STXBP5: variants seen among roughly 807,000 people sequenced by gnomAD.
STXBP5 encodes syntaxin-binding protein 5.
STXBP5 carries 50 observed loss-of-function variants against 152.4 expected under a neutral mutation model. The observed-to-expected ratio is 0.33, with a 90% CI of 0.26 to 0.42. STXBP5 has a LOEUF of 0.42. STXBP5 is among the 10% of genes least tolerant of loss of function. STXBP5 has a pLI of 1.00. For missense variants in STXBP5, 1,167 were observed against 1,388.6 expected, an observed-to-expected ratio of 0.84 and a Z score of 2.54; for synonymous variants, 492 against 494.7, an observed-to-expected ratio of 0.99 and a Z score of 0.07.
intron 4 of STXBP5, among the ~76,000 whole-genome samples, chr6:147,256,826 A>G (rs182556716): frequency 3.3e-4 from 51 of 152,262 alleles, no homozygotes; most frequent in African/African-American, 1.2e-3. Context: ...GGTGTAAGAT[A>G]TTATGATATT....
At position 147,386,440 on chromosome 6, in the gene STXBP5, A is replaced by G. The variant is rs1011243543; in HGVS notation, c.*1685A>G. On this transcript the variant is annotated 3_prime_UTR_variant, in exon 28 of 28. Transcript: ENST00000321680. ...AATAAAGCTTTTATGTTTACATTTTATAACATGCACTACTAGATGCAAAAG... is the reference window on the plus strand; with the variant it reads ...AATAAAGCTTTTATGTTTACATTTTGTAACATGCACTACTAGATGCAAAAG... 9 of 151,874 alleles carry G rather than the reference A, an allele frequency of 5.9e-5. No individual in the cohort carries two copies. The highest frequency in any genetic ancestry group is 2.2e-4 in the African/African-American group (9 of 41,500). 9.4% of individuals were successfully genotyped at this position (151,874 alleles called of 1,614,324 possible).
intron 21 of STXBP5, among the ~76,000 whole-genome samples, chr6:147,344,192 G>A (rs1489408278): frequency 6.6e-6 from 1 of 152,002 alleles, no homozygotes; most frequent in Non-Finnish European, 1.5e-5. Flanking sequence ...TTAATAAAAT[G>A]TGCTGGAAAG....
At chr6:147,220,447 A>C (rs559508020) in intron 2 of STXBP5, among the ~76,000 whole-genome samples, 112 of 151,916 alleles carry the variant, frequency 7.4e-4, no homozygotes, top group Non-Finnish European at 1.4e-3. Context: ...TGCCTGCTGG[A>C]TCTGTCCATT....
intron 9 of STXBP5, among the ~76,000 whole-genome samples, chr6:147,297,943 A>G (rs1011369291): frequency 6.6e-6 from 1 of 152,090 alleles, no homozygotes; most frequent in Non-Finnish European, 1.5e-5. Context: ...GAAAGGAAGA[A>G]TGTAACAAAG....
intron 22 of STXBP5, among the ~76,000 whole-genome samples, chr6:147,357,270 A>C (rs1784857644): frequency 6.6e-6 from 1 of 152,084 alleles, no homozygotes; most frequent in Non-Finnish European, 1.5e-5. Context: ...CAGAATCTTG[A>C]TAGGTAGGAG....
intron 9 of STXBP5, chr6:147,293,136 T>C (rs1005419681): frequency 1.1e-4 from 16 of 152,220 alleles, no homozygotes; most frequent in African/African-American, 3.6e-4. Flanking sequence ...TAATAGGCTA[T>C]ACAATATAGC....
At chr6:147,331,980 G>T (rs1335050595) in intron 18 of STXBP5, among the ~76,000 whole-genome samples, 2 of 152,094 alleles carry the variant, frequency 1.3e-5, no homozygotes, top group African/African-American at 4.8e-5. Context: ...TGCTGTTAGG[G>T]TTAAATGAAT....
At chr6:147,244,565 T>C (rs1028525956) in intron 4 of STXBP5, among the ~76,000 whole-genome samples, 2 of 152,230 alleles carry the variant, frequency 1.3e-5, no homozygotes, top group Admixed American at 6.5e-5. Context: ...TGGTGTCTTA[T>C]AATTAATTGA....
At chr6:147,248,421 T>C (rs1157156536) in intron 4 of STXBP5, among the ~76,000 whole-genome samples, 1 of 152,206 alleles carries the variant, frequency 6.6e-6, no homozygotes, top group Non-Finnish European at 1.5e-5. Flanking sequence ...TTTAGAGGTT[T>C]ATATGAAAAC....
intron 7 of STXBP5, among the ~76,000 whole-genome samples, chr6:147,267,830 A>G (rs371434041): frequency 1.3e-5 from 2 of 152,064 alleles, no homozygotes; most frequent in South Asian, 2.1e-4. Flanking sequence ...CTTAGTGTCT[A>G]TTTCAGATGT....
At chr6:147,338,861 G>A (rs1033232463) in intron 19 of STXBP5, among the ~76,000 whole-genome samples, 23 of 151,356 alleles carry the variant, frequency 1.5e-4, no homozygotes, top group African/African-American at 1.9e-4. Flanking sequence ...AGATTTTTTC[G>A]AAGAAACAGT....
In STXBP5 at chr6:147,323,618, T is replaced by G. The variant is rs1490750268; in HGVS notation, c.1803-1341T>G. ...TGTTGGCCAGGCTGGTCTCGAACTC[T>G]TGACCTTAAGTGATCTGCCCACCTC... On this transcript the variant is annotated intron_variant, in intron 16 of 27. Coordinates refer to ENST00000321680, the MANE Select transcript of STXBP5 (RefSeq NM_001127715.4). 3.3e-5 allele frequency among the ~76,000 whole-genome samples: 5 copies of G among 152,084 alleles called. No homozygotes were observed. In the East Asian group the frequency reaches 9.6e-4, roughly 29 times the overall value.
intron 9 of STXBP5, among the ~76,000 whole-genome samples, chr6:147,307,079 G>T (rs1782131791): frequency 1.3e-5 from 2 of 152,170 alleles, no homozygotes. Flanking sequence ...TTTAAGTGAA[G>T]AAGGCATCAT....
chr6:147,372,108 C>T (rs1355482499), intron 25 of STXBP5, among the ~76,000 whole-genome samples: 2 of 152,040 alleles, frequency 1.3e-5, no homozygotes, highest in Non-Finnish European at 2.9e-5. Flanking sequence ...AGGTTTACTA[C>T]ACTTTATAGA....
intron 9 of STXBP5, among the ~76,000 whole-genome samples, chr6:147,296,957 A>G (rs981273893): frequency 2.0e-5 from 3 of 152,186 alleles, no homozygotes; most frequent in African/African-American, 7.2e-5. Flanking sequence ...AAGCAAACCT[A>G]TGGAACTTAA....
intron 21 of STXBP5, 31 bp downstream of exon 21, chr6:147,339,415 A>G: frequency 6.2e-6 from 9 of 1,454,770 alleles, no homozygotes; most frequent in Middle Eastern, 2.4e-4. Flanking sequence ...TTTTGTTTCT[A>G]ATCCTTGCTA....
In STXBP5 at chr6:147,204,649, A is replaced by G. The variant is rs1224589674; in HGVS notation, c.117A>G (p.Glu39=). 3.7e-6 allele frequency: 6 copies of G among 1,610,416 alleles called. No homozygotes were observed. Among genetic ancestry groups the G allele is most frequent in the Non-Finnish European group, 3.4e-6 (4 of 1,178,144 alleles). The part of the protein sequence containing the change: ...PPGNREPEIQ[E]TLQSEHFQLC... ...GGAACCGGGAGCCGGAGATCCAGGA[A>G]ACGCTCCAGTCCGAGCACTTTCAGC... The change falls in exon 1 of 28, where the codon GAA becomes GAG. Residue 39 remains glutamate, a synonymous_variant. Coordinates refer to ENST00000321680, the MANE Select transcript of STXBP5 (RefSeq NM_001127715.4). The surrounding 1 kb of genome is among the most constrained non-coding windows in gnomAD (Gnocchi z 4.3).
At chr6:147,353,280 T>G in intron 21 of STXBP5, 43 bp from the exon 22 acceptor site, 2 of 1,329,302 alleles carry the variant, frequency 1.5e-6, no homozygotes, top group East Asian at 4.9e-5. Context: ...TTAGTATGAA[T>G]CAAATATTCT....
chr6:147,378,044 C>A (rs1016105273), intron 26 of STXBP5, among the ~76,000 whole-genome samples: 3 of 152,064 alleles, frequency 2.0e-5, no homozygotes, highest in African/African-American at 7.2e-5. Flanking sequence ...GCTAAAAATT[C>A]TAATAGTACT....
Sources: gnomAD v4.1 joint callset for allele counts (sites outside exome capture counted in the v4.1 genomes callset) on GRCh38, gnomAD v4.1.1 for gene constraint, Gnocchi (gnomAD v3.1) non-coding constraint, MANE v1.5 for transcripts, NCBI Gene and HGNC (gene_info 2026-07-23, HGNC 2026-07-21) for gene names.